The following MXD4 variants were observed in gnomAD, a reference collection of about 807,000 sequenced individuals.
MXD4 encodes the protein MAX dimerization protein 4.
Under a neutral mutation model 24.5 loss-of-function variants are expected in MXD4, and 16 were observed. The observed-to-expected ratio is 0.65, with a 90% CI of 0.44 to 0.99. The LOEUF is 0.99. Ranked by LOEUF, MXD4 falls within the 50% of genes least tolerant of loss-of-function variation. The pLI, the probability that MXD4 is intolerant of heterozygous loss-of-function variation, is 0.00. For synonymous variants in MXD4, 164 were observed against 134.2 expected, an observed-to-expected ratio of 1.22 and a Z score of -1.54; for missense variants, 301 against 301.5, an observed-to-expected ratio of 1.00 and a Z score of 0.01.
chr4:2,252,866 T>A (rs111574735), intron 3 of MXD4: 13 of 186,886 alleles, frequency 7.0e-5, no homozygotes, highest in East Asian at 5.0e-4. Flanking sequence ...AGGGGTGGGG[T>A]GAGGCGAGGG....
In MXD4 at chr4:2,251,155, G is replaced by A. The variant is rs775359392; in HGVS notation, c.401C>T (p.Ser134Leu). 2.1e-5 allele frequency: 34 copies of A among 1,600,300 alleles called. No individual in the cohort carries two copies. Among genetic ancestry groups the A allele is most frequent in the Admixed American group, 3.4e-5 (2 of 58,494 alleles). Residue 134 changes from serine (S) to leucine (L), a missense_variant, in exon 5 of 6, where the codon TCG becomes TTG. Coordinates refer to ENST00000337190, the MANE Select transcript of MXD4 (RefSeq NM_006454.3). ...RFLKRRLEQLSVQSVERVRTD... is the reference protein window; with the variant it reads ...RFLKRRLEQLLVQSVERVRTD... ...GCGCACGCGCTCCACGCTCTGCACC[G>A]ACAGCTGCTCCAGGCGCCGCTTCAG...
intron 3 of MXD4, chr4:2,252,768 C>T (rs1735351356): frequency 1.8e-5 from 8 of 438,206 alleles, no homozygotes; most frequent in Admixed American, 1.2e-4. Flanking sequence ...AGCCTCAGCG[C>T]GTCACCGCCA....
At position 2,250,362 on chromosome 4, in the gene MXD4, G is replaced by T. The variant is rs755358306; in HGVS notation, c.*182C>A. On this transcript the variant is annotated 3_prime_UTR_variant, in exon 6 of 6. Coordinates refer to ENST00000337190, the MANE Select transcript of MXD4 (RefSeq NM_006454.3). Reference sequence around the variant, plus strand: ...CAGGGGACTCTGCCCAGCTGGAAGGGGCAGGCAGCTCGGCAGGCCCTGACC... The same window carrying T: ...CAGGGGACTCTGCCCAGCTGGAAGGTGCAGGCAGCTCGGCAGGCCCTGACC... 19 of 812,524 alleles carry T rather than the reference G, an allele frequency of 2.3e-5. No individual in the cohort carries two copies. The highest frequency in any genetic ancestry group is 3.2e-5 in the Non-Finnish European group (17 of 534,974). The allele number at this position is 812,524 out of a possible 1,614,324, so 50.3% of individuals were successfully genotyped here.
At chr4:2,254,941 A>G in intron 3 of MXD4, 1 of 226,042 alleles carries the variant, frequency 4.4e-6, no homozygotes, top group Non-Finnish European at 8.9e-6. Context: ...GCCAACCAGC[A>G]TCTCTACTTC....
At chr4:2,251,835 T>G in intron 4 of MXD4, among the ~76,000 whole-genome samples, 1 of 152,162 alleles carries the variant, frequency 6.6e-6, no homozygotes, top group East Asian at 1.9e-4. Flanking sequence ...GAAGAGGCCC[T>G]CAGAGCAGAT....
Position 2,252,432 on chromosome 4 carries a change from C to T in MXD4, c.285G>A (p.Leu95=), listed in dbSNP as rs1253632127. Reference sequence around the variant, plus strand: ...CCTTGATGTGCACCTTGGCCCGCTTCAGGAGGCTCAGCGTGGTGTGGCGGG... The same window carrying T: ...CCTTGATGTGCACCTTGGCCCGCTTTAGGAGGCTCAGCGTGGTGTGGCGGG... ...DSTRHTTLSL[L]KRAKVHIKKL... is the part of the protein sequence containing the mutation. Residue 95 remains leucine, a synonymous_variant, in exon 4 of 6, where the codon CTG becomes CTA. Coordinates refer to ENST00000337190, the MANE Select transcript of MXD4 (RefSeq NM_006454.3). 3 of 1,613,298 alleles carry T rather than the reference C, an allele frequency of 1.9e-6. No individual in the cohort carries two copies. The highest frequency in any genetic ancestry group is 4.5e-5 in the East Asian group (2 of 44,878).
chr4:2,250,960 G>C (rs1275802999), intron 5 of MXD4, 124 bp downstream of exon 5: 12 of 1,282,700 alleles, frequency 9.4e-6, no homozygotes, highest in Non-Finnish European at 4.2e-6. Context: ...ACACACCCCA[G>C]TGCAGCAGGG....
At chr4:2,260,734 G>C (rs549986388) in intron 2 of MXD4, among the ~76,000 whole-genome samples, 4 of 152,246 alleles carry the variant, frequency 2.6e-5, no homozygotes, top group African/African-American at 9.6e-5. Context: ...CCCTACACCA[G>C]CCTTTCGGAT....
rs1316059362 is a variant in MXD4 at position 2,250,007 on chromosome 4, C to T, written c.*537G>A. ...TGCGAAGTGGGAAGGACCTTAACCA[C>T]CCACCTGCCCCAGGTGCTCACCCAG... On this transcript the variant is annotated 3_prime_UTR_variant, in exon 6 of 6. Transcript: ENST00000337190. The T allele has an allele frequency of 1.3e-5, 2 of 155,592 alleles. No individual in the cohort carries two copies. The highest frequency in any genetic ancestry group is 4.8e-5 in the African/African-American group (2 of 41,508). 9.6% of individuals were successfully genotyped at this position (155,592 alleles called of 1,614,324 possible). A position where few individuals can be genotyped will look rare whatever the true frequency, so the allele number is the denominator to read the frequency against.
At chr4:2,260,136 G>C (rs548164546) in intron 2 of MXD4, among the ~76,000 whole-genome samples, 1 of 152,194 alleles carries the variant, frequency 6.6e-6, no homozygotes, top group Admixed American at 6.5e-5. Flanking sequence ...CTCAGGCCCC[G>C]GGGGAGCGGG....
rs760763648 is a variant in MXD4 at position 2,257,973 on chromosome 4, G to T, written c.194+9C>A. 1.1e-5 allele frequency: 18 copies of T among 1,613,586 alleles called. No homozygotes were observed. Among genetic ancestry groups the T allele is most frequent in the Non-Finnish European group, 1.4e-5 (17 of 1,179,948 alleles). ...TCGGGCTCATGTGGGGAACTGGGGG[G>T]TCACTTACCTGTGCTTTTCTAGCTC... On this transcript the variant is annotated intron_variant, in intron 3 of 5. Transcript: ENST00000337190.
Position 2,261,837 on chromosome 4 carries a change from G to T in MXD4, c.65-13C>A. The T allele has an allele frequency of 1.5e-6, 2 of 1,366,356 alleles. No individual in the cohort carries two copies. Among genetic ancestry groups the T allele is most frequent in the Non-Finnish European group, 1.9e-6 (2 of 1,058,786 alleles). 84.6% of individuals were successfully genotyped at this position (1,366,356 alleles called of 1,614,324 possible). A position where few individuals can be genotyped will look rare whatever the true frequency, so the allele number is the denominator to read the frequency against. ...CCGTGCTCGGCCTCTGCGGACACACGGCGCGGTCAGCGGCCCCCGCCCGGC... is the reference window on the plus strand; with the variant it reads ...CCGTGCTCGGCCTCTGCGGACACACTGCGCGGTCAGCGGCCCCCGCCCGGC... On this transcript the variant is annotated splice_polypyrimidine_tract_variant and intron_variant, in intron 1 of 5. Transcript: ENST00000337190.
Position 2,249,869 on chromosome 4 carries a change from T to C in MXD4, c.*675A>G, listed in dbSNP as rs1310008754. ...GAGCATGTACATGAGTGGGTGTGTC[T>C]AGGTGCGTGCGCGTGTGCGTCTGAC... On this transcript the variant is annotated 3_prime_UTR_variant, in exon 6 of 6. Coordinates refer to ENST00000337190, the MANE Select transcript of MXD4 (RefSeq NM_006454.3). The C allele has an allele frequency of 1.3e-5, 2 of 153,182 alleles. No individual in the cohort carries two copies. The highest frequency in any genetic ancestry group is 4.8e-5 in the African/African-American group (2 of 41,462). The allele number at this position is 153,182 out of a possible 1,614,324, so 9.5% of individuals were successfully genotyped here. A position where few individuals can be genotyped will look rare whatever the true frequency, so the allele number is the denominator to read the frequency against.
chr4:2,256,261 G>C (rs1232451690), intron 3 of MXD4, among the ~76,000 whole-genome samples: 1 of 152,228 alleles, frequency 6.6e-6, no homozygotes, highest in African/African-American at 2.4e-5. Context: ...CAGGACCCTG[G>C]GGTTGGCAAC....
Position 2,251,265 on chromosome 4 carries a change from G to A in MXD4, c.310-19C>T. The stretch of plus-strand genomic sequence containing the variant: ...CCAGTTTCTGGGGTCGAGGGGGGCT[G>A]TGAGCTCACAGCGGGAAGAGGAGTC... On this transcript the variant is annotated intron_variant, in intron 4 of 5. Transcript: ENST00000337190. The A allele has an allele frequency of 6.4e-7, 1 of 1,571,828 alleles. No individual in the cohort carries two copies. The highest frequency in any genetic ancestry group is 8.7e-7 in the Non-Finnish European group (1 of 1,154,262).
Position 2,261,907 on chromosome 4 carries a change from C to A in MXD4, c.64+10G>T. Reference sequence around the variant, plus strand: ...ACCGCCGCGGGCGCACAATGGGGTGCGAGCGCTACCTCGATCCCTGCGCTC... The same window carrying A: ...ACCGCCGCGGGCGCACAATGGGGTGAGAGCGCTACCTCGATCCCTGCGCTC... On this transcript the variant is annotated intron_variant, in intron 1 of 5. Coordinates refer to ENST00000337190, the MANE Select transcript of MXD4 (RefSeq NM_006454.3). 2 of 1,452,930 alleles carry A rather than the reference C, an allele frequency of 1.4e-6. No homozygotes were observed. Among genetic ancestry groups the A allele is most frequent in the Non-Finnish European group, 1.8e-6 (2 of 1,101,910 alleles). The allele number at this position is 1,452,930 out of a possible 1,614,324, so 90.0% of individuals were successfully genotyped here.
At chr4:2,252,346 C>A in intron 4 of MXD4, 62 bp downstream of exon 4, 2 of 1,352,662 alleles carry the variant, frequency 1.5e-6, no homozygotes, top group South Asian at 1.2e-5. Flanking sequence ...AGCACCCCCC[C>A]AGGGCGTGCA....
chr4:2,251,046 G>A (rs781115729), intron 5 of MXD4, 38 bp downstream of exon 5: 2 of 1,508,852 alleles, frequency 1.3e-6, no homozygotes, highest in African/African-American at 1.4e-5. Flanking sequence ...TGCGCACCCG[G>A]AGGCCCAGGT....
chr4:2,257,565 G>A (rs930587942), intron 3 of MXD4, among the ~76,000 whole-genome samples: 2 of 152,250 alleles, frequency 1.3e-5, no homozygotes, highest in African/African-American at 4.8e-5. Context: ...GGCGGCCAGG[G>A]ACTGGCTGCC....
Sources: allele counts gnomAD v4.1 joint callset (sites outside exome capture counted in the v4.1 genomes callset), GRCh38; gene constraint gnomAD v4.1.1; transcripts MANE v1.5; gene names NCBI Gene and HGNC (gene_info 2026-07-23, HGNC 2026-07-21).